Variants in NUP98 observed in about 807,000 individuals in gnomAD.
NUP98 encodes the protein nucleoporin 98 and 96 precursor, also known as nuclear pore complex protein Nup98-Nup96.
NUP98 carries 26 observed loss-of-function variants against 191.9 expected under a neutral mutation model. The ratio of observed to expected loss-of-function variants is 0.14; its 90% CI spans 0.10 to 0.19. NUP98 has a LOEUF of 0.19. Ranked by LOEUF, NUP98 falls within the 10% of genes least tolerant of loss-of-function variation. The probability of loss-of-function intolerance (pLI) is 1.00; values close to 1 mark genes in which losing one functional copy is unlikely to be tolerated. For synonymous variants in NUP98, 808 were observed against 778.4 expected (o/e 1.04, Z -0.63); for missense variants, 1,941 against 2,178.8 (o/e 0.89, Z 2.17).
intron 17 of NUP98, 87 bp from the exon 18 acceptor site, chr11:3,719,637 G>A: frequency 1.0e-6 from 1 of 989,762 alleles, no homozygotes; most frequent in Non-Finnish European, 1.4e-6. Flanking sequence ...CAATCACAAG[G>A]AGAAAGCAGT....
rs2077811724 is a variant in NUP98 at position 3,676,379 on chromosome 11, A to G, written c.5186-3T>C. On this transcript the variant is annotated splice_region_variant and splice_polypyrimidine_tract_variant and intron_variant, in intron 32 of 32. Coordinates refer to ENST00000324932, the MANE Select transcript of NUP98 (RefSeq NM_016320.5). Reference sequence around the variant, plus strand: ...GTTGGCTACACGTTTGGCCATGTCTAGAGAGAAAAACTAGAGTCAAGCACT... The same window carrying G: ...GTTGGCTACACGTTTGGCCATGTCTGGAGAGAAAAACTAGAGTCAAGCACT... 6.2e-7 allele frequency: 1 copy of G among 1,613,854 alleles called. No homozygotes were observed. The highest frequency in any genetic ancestry group is 1.7e-5 in the Admixed American group (1 of 59,988).
At chr11:3,733,101 T>G (rs1329631180) in intron 13 of NUP98, among the ~76,000 whole-genome samples, 1 of 152,212 alleles carries the variant, frequency 6.6e-6, no homozygotes, top group Non-Finnish European at 1.5e-5. Flanking sequence ...TCAATAGTTT[T>G]TAGTATATTT....
In NUP98 at chr11:3,752,568, T is replaced by C. The variant is rs61877599; in HGVS notation, c.1267+748A>G. On this transcript the variant is annotated intron_variant, in intron 11 of 32. Coordinates refer to ENST00000324932, the MANE Select transcript of NUP98 (RefSeq NM_016320.5). ...AAATAAAAAAGAAGGAAATGACAGA[T>C]GAATGCTCAGATGATAGAAGGGGAA... Among the ~76,000 whole-genome samples, 764 of 150,398 alleles carry C rather than the reference T, an allele frequency of 5.1e-3. 8 individuals carry two copies. Among genetic ancestry groups the C allele is most frequent in the Non-Finnish European group, 8.4e-3 (571 of 67,712 alleles).
intron 25 of NUP98, 34 bp downstream of exon 25, chr11:3,699,048 A>G: frequency 6.2e-7 from 1 of 1,605,096 alleles, no homozygotes; most frequent in Non-Finnish European, 8.5e-7. Context: ...GGAAGGCGAC[A>G]GAGGCGCAGA....
At chr11:3,699,058 A>G in intron 25 of NUP98, 24 bp downstream of exon 25, 1 of 1,609,850 alleles carries the variant, frequency 6.2e-7, no homozygotes, top group Non-Finnish European at 8.5e-7. Flanking sequence ...AGAGGCGCAG[A>G]GAAGGACCAT....
At chr11:3,696,109 T>C (rs761523333) in intron 25 of NUP98, among the ~76,000 whole-genome samples, 2 of 152,116 alleles carry the variant, frequency 1.3e-5, no homozygotes, top group African/African-American at 4.8e-5. Context: ...GAAAATCACT[T>C]GAACCCATGA....
chr11:3,681,881 A>G (rs1419634076), intron 30 of NUP98, among the ~76,000 whole-genome samples: 2 of 152,176 alleles, frequency 1.3e-5, no homozygotes, highest in Non-Finnish European at 2.9e-5. Flanking sequence ...CTAGCTATGA[A>G]AGTCCTTGGT....
chr11:3,689,144 G>T (rs1375680928), intron 28 of NUP98, among the ~76,000 whole-genome samples: 1 of 151,978 alleles, frequency 6.6e-6, no homozygotes, highest in Admixed American at 6.6e-5. Flanking sequence ...GAGGTGAAAG[G>T]ATCGCCTGAA....
chr11:3,739,331 C>T (rs935565657), intron 12 of NUP98, among the ~76,000 whole-genome samples: 2 of 152,126 alleles, frequency 1.3e-5, no homozygotes, highest in African/African-American at 4.8e-5. Flanking sequence ...CTCACTGCAA[C>T]CTCTGCCTCC....
chr11:3,734,284 C>G (rs1162367399), intron 13 of NUP98, among the ~76,000 whole-genome samples: 1 of 152,160 alleles, frequency 6.6e-6, no homozygotes, highest in Admixed American at 6.5e-5. Flanking sequence ...CCACCCGCCT[C>G]GGACTCCCAG....
At chr11:3,740,467 A>G (rs900309352) in intron 12 of NUP98, among the ~76,000 whole-genome samples, 22 of 151,766 alleles carry the variant, frequency 1.4e-4, no homozygotes, top group Non-Finnish European at 3.1e-4. Context: ...GCCAAGATCA[A>G]GATCACACCA....
chr11:3,713,209 A>G (rs534506868), intron 19 of NUP98, among the ~76,000 whole-genome samples: 2 of 152,342 alleles, frequency 1.3e-5, no homozygotes, highest in African/African-American at 4.8e-5. Flanking sequence ...TCCAATAGAC[A>G]CCTGCCTGAT....
At chr11:3,794,494 A>G (rs1217863420) in intron 1 of NUP98, among the ~76,000 whole-genome samples, 1 of 151,406 alleles carries the variant, frequency 6.6e-6, no homozygotes, top group African/African-American at 2.4e-5. Flanking sequence ...CTAATTTTTC[A>G]TATTTTTTTT....
chr11:3,681,356 A>G (rs1049365861), intron 30 of NUP98, among the ~76,000 whole-genome samples: 2 of 152,118 alleles, frequency 1.3e-5, no homozygotes, highest in Admixed American at 6.5e-5. Context: ...ATACATCTAC[A>G]ATGGTGAATC....
intron 28 of NUP98, among the ~76,000 whole-genome samples, chr11:3,687,273 T>A (rs1486352225): frequency 1.3e-5 from 2 of 152,184 alleles, no homozygotes; most frequent in African/African-American, 4.8e-5. Context: ...CTTGATGTAT[T>A]CCTGGATACA....
chr11:3,744,495 T>C lies in NUP98; in HGVS notation c.1408+14A>G. ...AAAAATTAAGAAAAGCCTTCTAAAG[T>C]GACTGACACTTACCTACTGGGGCCT... On this transcript the variant is annotated intron_variant, in intron 12 of 32. Coordinates refer to ENST00000324932, the MANE Select transcript of NUP98 (RefSeq NM_016320.5). 1 of 1,587,782 alleles carries C rather than the reference T, an allele frequency of 6.3e-7. No individual in the cohort carries two copies. Among genetic ancestry groups the C allele is most frequent in the Non-Finnish European group, 8.5e-7 (1 of 1,172,086 alleles).
intron 12 of NUP98, among the ~76,000 whole-genome samples, chr11:3,738,493 C>G (rs1037104926): frequency 6.6e-6 from 1 of 152,084 alleles, no homozygotes; most frequent in Non-Finnish European, 1.5e-5. Context: ...CACAAATATA[C>G]TACAGCAAGG....
chr11:3,715,198 G>C (rs1448547392), intron 18 of NUP98, among the ~76,000 whole-genome samples: 3 of 152,192 alleles, frequency 2.0e-5, no homozygotes, highest in African/African-American at 7.2e-5. Context: ...CCAGGCTGGA[G>C]TGCAGTGGCA....
chr11:3,751,081 G>A lies in NUP98; in HGVS notation c.1267+2235C>T, dbSNP rs561170711. On this transcript the variant is annotated intron_variant, in intron 11 of 32. Transcript: ENST00000324932. ...CCATTTAAAAATATAATCCCAGGCC[G>A]GGCACGATGGCTCACACCTGTAATC... Among the ~76,000 whole-genome samples the A allele has an allele frequency of 1.6e-4, 25 of 152,202 alleles. No homozygotes were observed. The East Asian group carries it at 1.7e-3, about 11-fold the overall frequency.
Sources: allele counts gnomAD v4.1 joint callset (sites outside exome capture counted in the v4.1 genomes callset), GRCh38; gene constraint gnomAD v4.1.1; transcripts MANE v1.5; gene names NCBI Gene and HGNC (gene_info 2026-07-23, HGNC 2026-07-21).